Variants in SLC24A2 observed in about 807,000 individuals in gnomAD.
SLC24A2 encodes sodium/potassium/calcium exchanger 2.
Under a neutral mutation model 62.0 loss-of-function variants are expected in SLC24A2, and 36 were observed. That is an observed-to-expected ratio of 0.58 (90% CI 0.44 to 0.77). The LOEUF (loss-of-function observed/expected upper bound fraction) is 0.77, where lower values mean the gene tolerates loss of function less well. Ranked by LOEUF, SLC24A2 falls within the 30% of genes least tolerant of loss-of-function variation. The pLI is 0.00. For missense variants in SLC24A2, 846 were observed against 817.9 expected (o/e 1.03, Z -0.42); for synonymous variants, 358 against 294.0 (o/e 1.22, Z -2.23).
chr9:20,012,918 T>C, the SLC24A2 span, among the ~76,000 whole-genome samples: 3 of 151,638 alleles, frequency 2.0e-5, no homozygotes, highest in Non-Finnish European at 4.4e-5. Flanking sequence ...CACAAATAAA[T>C]GGATAGATAT....
chr9:19,560,897 G>GTGTGTGTATATATA (rs1287721646), intron 7 of SLC24A2, among the ~76,000 whole-genome samples: 1 of 128,498 alleles, frequency 7.8e-6, no homozygotes, highest in African/African-American at 2.9e-5. Flanking sequence ...GTGTGTGTGT[G>GTGTGTGTATATATA]TATATATATA....
chr9:19,874,057 T>C, the SLC24A2 span, among the ~76,000 whole-genome samples: 9 of 148,942 alleles, frequency 6.0e-5, no homozygotes, highest in Non-Finnish European at 1.0e-4. Flanking sequence ...TATGATATTG[T>C]TCTTTTTCTT....
chr9:20,189,825 G>T, the SLC24A2 span, among the ~76,000 whole-genome samples: 16 of 70,296 alleles, frequency 2.3e-4, no homozygotes, highest in African/African-American at 9.1e-4. Context: ...TTTCTCCTAA[G>T]TTTCCAGCCC....
chr9:19,651,163 C>T lies in SLC24A2; in HGVS notation c.931-28864G>A, dbSNP rs1818790493. ...AGTTATCCTATGGTATGCAAGAAGCCCTCTAAGTAAAGCTACAACACCCTA... is the reference window on the plus strand; with the variant it reads ...AGTTATCCTATGGTATGCAAGAAGCTCTCTAAGTAAAGCTACAACACCCTA... On this transcript the variant is annotated intron_variant, in intron 2 of 10. Coordinates refer to ENST00000341998, the MANE Select transcript of SLC24A2 (RefSeq NM_020344.4). Among the ~76,000 whole-genome samples, 4 of 152,206 alleles carry T rather than the reference C, an allele frequency of 2.6e-5. No homozygotes were observed. The South Asian group carries it at 8.3e-4, about 32-fold the overall frequency.
chr9:19,598,336 G>A (rs1056654425), intron 4 of SLC24A2, among the ~76,000 whole-genome samples: 5 of 152,170 alleles, frequency 3.3e-5, no homozygotes, highest in African/African-American at 1.2e-4. Flanking sequence ...ATCCTCATAT[G>A]AATAAACTTA....
rs533060791 is a variant in SLC24A2 at position 19,775,941 on chromosome 9, C to T, written c.930+9996G>A. 4.6e-5 allele frequency among the ~76,000 whole-genome samples: 7 copies of T among 152,312 alleles called. No homozygotes were observed. The South Asian group carries it at 1.4e-3, about 32-fold the overall frequency. On this transcript the variant is annotated intron_variant, in intron 2 of 10. Transcript: ENST00000341998. ...AAAAACGTTCTTAACATAACTAAGG[C>T]CACAGCCCTTTGGTGGTCCATGAAA...
the SLC24A2 span, among the ~76,000 whole-genome samples, chr9:20,094,798 G>A: frequency 1.3e-5 from 2 of 152,110 alleles, no homozygotes; most frequent in Non-Finnish European, 2.9e-5. Flanking sequence ...AATGACCAGT[G>A]TATGATGTTA....
At chr9:20,101,546 G>A in the SLC24A2 span, among the ~76,000 whole-genome samples, 2 of 152,102 alleles carry the variant, frequency 1.3e-5, no homozygotes, top group African/African-American at 2.4e-5. Flanking sequence ...AACTTTTGTG[G>A]CTTCCTAAAG....
At chr9:19,984,452 T>C in the SLC24A2 span, among the ~76,000 whole-genome samples, 91 of 152,294 alleles carry the variant, frequency 6.0e-4, no homozygotes, top group African/African-American at 2.0e-3. Flanking sequence ...ACACCTGTAA[T>C]TGCAGCACTT....
At chr9:20,061,854 A>C in the SLC24A2 span, among the ~76,000 whole-genome samples, 2 of 152,162 alleles carry the variant, frequency 1.3e-5, no homozygotes, top group Non-Finnish European at 2.9e-5. Context: ...TACAAAAATT[A>C]AGAGTGCTTC....
chr9:20,144,640 C>T, the SLC24A2 span, among the ~76,000 whole-genome samples: 1 of 152,080 alleles, frequency 6.6e-6, no homozygotes, highest in Non-Finnish European at 1.5e-5. Flanking sequence ...GCAGGCATCC[C>T]CCAGTGCACT....
the SLC24A2 span, among the ~76,000 whole-genome samples, chr9:20,160,143 C>A: frequency 6.6e-6 from 1 of 151,246 alleles, no homozygotes; most frequent in Non-Finnish European, 1.5e-5. Context: ...AGGTTGCAAT[C>A]TTAATATCAG....
At chr9:19,888,207 C>A in the SLC24A2 span, among the ~76,000 whole-genome samples, 1 of 152,124 alleles carries the variant, frequency 6.6e-6, no homozygotes, top group Non-Finnish European at 1.5e-5. Flanking sequence ...CAACATGCCT[C>A]CATTATGTTT....
At chr9:20,179,916 T>A in the SLC24A2 span, among the ~76,000 whole-genome samples, 1 of 152,148 alleles carries the variant, frequency 6.6e-6, no homozygotes, top group Non-Finnish European at 1.5e-5. Context: ...GACCAAAAAT[T>A]TTTCCTAAGA....
At chr9:20,222,745 T>G in the SLC24A2 span, among the ~76,000 whole-genome samples, 1 of 152,022 alleles carries the variant, frequency 6.6e-6, no homozygotes, top group East Asian at 1.9e-4. Context: ...TTTTAGTAGA[T>G]GCAAAAAATG....
At chr9:19,692,495 T>G (rs144180628) in intron 2 of SLC24A2, among the ~76,000 whole-genome samples, 1 of 152,162 alleles carries the variant, frequency 6.6e-6, no homozygotes, top group Non-Finnish European at 1.5e-5. Flanking sequence ...TTAAATTTCA[T>G]GTTTAGCTTC....
the SLC24A2 span, among the ~76,000 whole-genome samples, chr9:19,986,501 G>T: frequency 7.2e-5 from 11 of 152,036 alleles, no homozygotes; most frequent in Non-Finnish European, 1.2e-4. Context: ...GTTAATAACA[G>T]CATTATTCAC....
At chr9:19,991,853 A>G in the SLC24A2 span, among the ~76,000 whole-genome samples, 1 of 152,214 alleles carries the variant, frequency 6.6e-6, no homozygotes, top group Non-Finnish European at 1.5e-5. Context: ...AATAGACATG[A>G]GCAAGACTTA....
chr9:19,659,420 T>A (rs1039851816), intron 2 of SLC24A2, among the ~76,000 whole-genome samples: 4 of 152,158 alleles, frequency 2.6e-5, no homozygotes, highest in African/African-American at 9.7e-5. Flanking sequence ...ACAAATACAT[T>A]TACTTATGTC....
Sources: allele counts gnomAD v4.1 joint callset (sites outside exome capture counted in the v4.1 genomes callset), GRCh38; gene constraint gnomAD v4.1.1; transcripts MANE v1.5; gene names NCBI Gene and HGNC (gene_info 2026-07-23, HGNC 2026-07-21).